The following TLR6 variants were observed in gnomAD, a reference collection of about 807,000 sequenced individuals.
The protein encoded by TLR6 is toll-like receptor 6.
TLR6 carries 9 observed loss-of-function variants against 16.1 expected under a neutral mutation model. The observed-to-expected ratio is 0.56, with a 90% CI of 0.34 to 0.98. TLR6 has a LOEUF of 0.98. TLR6 is among the 50% of genes least tolerant of loss of function. The pLI, the probability that TLR6 is intolerant of heterozygous loss-of-function variation, is 0.02. For synonymous variants in TLR6, 340 were observed against 338.6 expected, an observed-to-expected ratio of 1.00 and a Z score of -0.04; for missense variants, 786 against 921.0, an observed-to-expected ratio of 0.85 and a Z score of 1.90.
chr4:38,851,066 C>T (rs7434897), intron 1 of TLR6, among the ~76,000 whole-genome samples: 6,019 of 152,174 alleles, frequency 0.04, 383 homozygotes, highest in African/African-American at 0.14. Context: ...GGATGCAAGG[C>T]TGTTTCAACA....
chr4:38,836,685 T>A (rs1711938030), intron 1 of TLR6, among the ~76,000 whole-genome samples: 1 of 152,074 alleles, frequency 6.6e-6, no homozygotes, highest in African/African-American at 2.4e-5. Flanking sequence ...ACACCTGTAA[T>A]CCCAGAACTT....
At chr4:38,852,820 T>TGG (rs1352159816) in intron 1 of TLR6, among the ~76,000 whole-genome samples, 1 of 152,188 alleles carries the variant, frequency 6.6e-6, no homozygotes, top group South Asian at 2.1e-4. Flanking sequence ...GAAGACAGTG[T>TGG]GGTGATTCCT....
chr4:38,868,079 G>A, the TLR6 span: 3 of 413,402 alleles, frequency 7.3e-6, no homozygotes, highest in Non-Finnish European at 1.5e-5. Flanking sequence ...GTGAGTGTGT[G>A]TCGCTCCGGG....
At chr4:38,855,674 G>A (rs1712954087) in intron 1 of TLR6, among the ~76,000 whole-genome samples, 1 of 152,150 alleles carries the variant, frequency 6.6e-6, no homozygotes, top group Non-Finnish European at 1.5e-5. Context: ...GGAAAAGCTG[G>A]TCAGCTGTCC....
At chr4:38,868,294 G>C in the TLR6 span, 1 of 154,822 alleles carries the variant, frequency 6.5e-6, no homozygotes, top group Admixed American at 6.5e-5. Context: ...GCAGGTCCCT[G>C]TAAGACAGAG....
chr4:38,860,033 T>C (rs1228987473), upstream of TLR6, among the ~76,000 whole-genome samples: 2 of 152,104 alleles, frequency 1.3e-5, no homozygotes, highest in African/African-American at 4.8e-5. Context: ...AAACATTATT[T>C]TGATGACTTT....
At chr4:38,851,525 C>G (rs1207264496) in intron 1 of TLR6, among the ~76,000 whole-genome samples, 2 of 152,168 alleles carry the variant, frequency 1.3e-5, no homozygotes, top group Non-Finnish European at 2.9e-5. Flanking sequence ...AGCTGATAAG[C>G]AACTTCAGCA....
intron 1 of TLR6, among the ~76,000 whole-genome samples, chr4:38,848,033 C>A (rs577985707): frequency 6.6e-6 from 1 of 152,250 alleles, no homozygotes; most frequent in African/African-American, 2.4e-5. Context: ...AGGCACCCCC[C>A]AGTAGGGGCA....
chr4:38,829,321 CG>C lies in TLR6; in HGVS notation c.152del (p.Pro51ArgfsTer2). 2 of 1,614,126 alleles carry C rather than the reference CG, an allele frequency of 1.2e-6. No homozygotes were observed. The highest frequency in any genetic ancestry group is 1.7e-6 in the Non-Finnish European group (2 of 1,180,004). On this transcript the variant is annotated frameshift_variant, in exon 2 of 2. Transcript: ENST00000436693. LOFTEE classifies it low-confidence loss of function (END_TRUNC). ...ACATATCTAAGACTTTGGTTTTCAG[CG>C]GTAGGTCTTTTGGAACATGAATAAG...
the TLR6 span, among the ~76,000 whole-genome samples, chr4:38,862,292 T>A: frequency 2.2e-4 from 34 of 152,176 alleles, no homozygotes; most frequent in Admixed American, 2.0e-3. Flanking sequence ...CATTTTTTTT[T>A]ATTTTAGATA....
chr4:38,828,098 C>G, exon 2 of TLR6: 1 of 1,614,154 alleles, frequency 6.2e-7, no homozygotes, highest in Non-Finnish European at 8.5e-7. Context: ...TATTTTATTG[C>G]TGTGAAGATC....
chr4:38,862,016 G>A, the TLR6 span, among the ~76,000 whole-genome samples: 1 of 152,082 alleles, frequency 6.6e-6, no homozygotes. Context: ...ACATTCTCAC[G>A]CGATGATGCT....
intron 1 of TLR6, among the ~76,000 whole-genome samples, chr4:38,835,261 T>C (rs1309984435): frequency 6.6e-6 from 1 of 151,734 alleles, no homozygotes; most frequent in African/African-American, 2.4e-5. Context: ...TAGACTGAAA[T>C]TGAAGGAAAG....
chr4:38,827,859 C>A lies in TLR6; in HGVS notation c.1615G>T (p.Glu539Ter). 6.2e-7 allele frequency: 1 copy of A among 1,614,254 alleles called. No homozygotes were observed. The stretch of plus-strand genomic sequence containing the variant: ...ACTTGGTCTATATTTTTGACAAATT[C>A]TCTTAGCTCACAGGTACATTGGAAT... The change falls in exon 2 of 2, where the codon GAA (glutamate) becomes TAA (stop). Residue 539 changes from glutamate (E) to a stop codon, truncating the protein, a stop_gained. Transcript: ENST00000436693. LOFTEE classifies it high-confidence loss of function.
exon 2 of TLR6, chr4:38,824,982 A>T (rs1727480347): frequency 6.6e-6 from 1 of 152,308 alleles, no homozygotes; most frequent in South Asian, 2.1e-4. Context: ...TTTTTAGTAC[A>T]GACAGGGTTT....
chr4:38,847,445 G>C (rs1213096596), intron 1 of TLR6, among the ~76,000 whole-genome samples: 1 of 152,122 alleles, frequency 6.6e-6, no homozygotes, highest in Non-Finnish European at 1.5e-5. Context: ...GGGCAGGACA[G>C]TGGGTGCAGC....
At chr4:38,853,147 G>T (rs531756235) in intron 1 of TLR6, among the ~76,000 whole-genome samples, 6 of 147,136 alleles carry the variant, frequency 4.1e-5, no homozygotes. Flanking sequence ...ACCAAACACC[G>T]CATGTTCTCA....
chr4:38,841,932 T>C (rs74501168), intron 1 of TLR6, among the ~76,000 whole-genome samples: 4,169 of 152,354 alleles, frequency 0.027, 183 homozygotes, highest in African/African-American at 0.095. Flanking sequence ...CATGTTTTCA[T>C]ATGTTTCTCA....
the TLR6 span, among the ~76,000 whole-genome samples, chr4:38,866,889 A>G: frequency 1.3e-5 from 2 of 152,234 alleles, no homozygotes; most frequent in African/African-American, 4.8e-5. Flanking sequence ...CTTCAAAAAG[A>G]AGAAGGGATG....
Sources: gnomAD v4.1 joint callset for allele counts (sites outside exome capture counted in the v4.1 genomes callset) on GRCh38, gnomAD v4.1.1 for gene constraint, MANE v1.5 for transcripts, NCBI Gene and HGNC (gene_info 2026-07-23, HGNC 2026-07-21) for gene names.